Variants in PRH1 observed in about 807,000 individuals in gnomAD.
The protein encoded by PRH1 is proline rich protein HaeIII subfamily 1, also known as salivary acidic proline-rich phosphoprotein 1/2.
Under a neutral mutation model 7.9 loss-of-function variants are expected in PRH1, and 7 were observed. The ratio of observed to expected loss-of-function variants is 0.89; its 90% CI spans 0.50 to 1.67. PRH1 has a LOEUF of 1.67. PRH1 is among the 40% of genes most tolerant of loss of function. The pLI is 0.00. For missense variants in PRH1, 109 were observed against 223.6 expected (o/e 0.49, Z 3.27); for synonymous variants, 45 against 80.8 (o/e 0.56, Z 2.38).
intron 1 of PRH1, among the ~76,000 whole-genome samples, chr12:11,132,645 A>C (rs796260095): frequency 7.7e-6 from 1 of 130,488 alleles, no homozygotes; most frequent in African/African-American, 2.6e-5. Flanking sequence ...ATTAAATCTA[A>C]TATTCCTCAG....
At chr12:10,889,260 A>G (rs1949537121) in intron 2 of PRH1, among the ~76,000 whole-genome samples, 1 of 152,162 alleles carries the variant, frequency 6.6e-6, no homozygotes. Flanking sequence ...GATTTCCTTT[A>G]CATTAATGAA....
intron 1 of PRH1, among the ~76,000 whole-genome samples, chr12:10,977,405 G>A (rs1000085744): frequency 6.6e-6 from 1 of 152,040 alleles, no homozygotes; most frequent in Non-Finnish European, 1.5e-5. Context: ...AGGAATTGAA[G>A]GTATATACTT....
intron 1 of PRH1, among the ~76,000 whole-genome samples, chr12:10,979,759 G>A (rs1163692995): frequency 6.6e-6 from 1 of 152,178 alleles, no homozygotes; most frequent in Non-Finnish European, 1.5e-5. Context: ...CAGAAGTGAC[G>A]ACAAGGGATT....
chr12:10,935,414 C>G lies in PRH1; in HGVS notation c.-59+38241G>C, dbSNP rs796353408. Reference sequence around the variant, plus strand: ...TTCTCTAATACTTAACTGAAAATATCCAGGAACATTTGAGAACCATTTACA... The same window carrying G: ...TTCTCTAATACTTAACTGAAAATATGCAGGAACATTTGAGAACCATTTACA... On this transcript the variant is annotated intron_variant, in intron 2 of 3. Coordinates refer to the PRH1 transcript ENST00000539853. Among the ~76,000 whole-genome samples, 10 of 152,154 alleles carry G rather than the reference C, an allele frequency of 6.6e-5. 1 individual carries two copies. The highest frequency in any genetic ancestry group is 2.4e-4 in the African/African-American group (10 of 41,500).
chr12:11,044,434 C>A (rs1942834454), intron 1 of PRH1, among the ~76,000 whole-genome samples: 2 of 151,962 alleles, frequency 1.3e-5, no homozygotes, highest in South Asian at 2.1e-4. Context: ...CAAAAATGCA[C>A]AATTGGGATG....
At chr12:11,074,610 T>TA (rs1944222339) in intron 1 of PRH1, among the ~76,000 whole-genome samples, 1 of 90,532 alleles carries the variant, frequency 1.1e-5, no homozygotes, top group East Asian at 2.7e-4. Context: ...AAGTAGAAAG[T>TA]GGGAAACATA....
chr12:11,052,757 G>T (rs1029336474), intron 1 of PRH1, among the ~76,000 whole-genome samples: 4 of 139,520 alleles, frequency 2.9e-5, no homozygotes, highest in African/African-American at 1.0e-4. Context: ...CTAACTGGTT[G>T]ACTCTTTCTA....
At chr12:11,153,128 A>G (rs146915063) in intron 1 of PRH1, among the ~76,000 whole-genome samples, 164 of 152,308 alleles carry the variant, frequency 1.1e-3, no homozygotes, top group South Asian at 2.3e-3. Flanking sequence ...ATAGAAGACA[A>G]GACATTGAGT....
intron 2 of PRH1, among the ~76,000 whole-genome samples, chr12:10,904,754 T>C (rs775846897): frequency 6.6e-6 from 1 of 152,140 alleles, no homozygotes; most frequent in South Asian, 2.1e-4. Flanking sequence ...ACCTATAGAA[T>C]GTAAGATTTG....
chr12:11,014,395 G>C (rs1292926502), intron 1 of PRH1, among the ~76,000 whole-genome samples: 1 of 152,140 alleles, frequency 6.6e-6, no homozygotes, highest in Non-Finnish European at 1.5e-5. Context: ...CATGCAACAT[G>C]ATGACTAACC....
intron 2 of PRH1, among the ~76,000 whole-genome samples, chr12:10,934,505 C>T (rs911546106): frequency 1.3e-5 from 2 of 152,092 alleles, no homozygotes; most frequent in African/African-American, 4.8e-5. Context: ...AGGCATTTAG[C>T]ATGGCTGCAA....
chr12:10,997,952 G>A (rs4388985), intron 1 of PRH1: 749,878 of 910,646 alleles, frequency 0.82, 313,615 homozygotes, highest in East Asian at 0.97. Context: ...AAGACTTTAA[G>A]TTAAATATGC....
intron 1 of PRH1, among the ~76,000 whole-genome samples, chr12:11,135,323 T>C (rs1946516371): frequency 6.6e-6 from 1 of 152,144 alleles, no homozygotes; most frequent in African/African-American, 2.4e-5. Flanking sequence ...GCTTCCATAC[T>C]GGGTGTTCTT....
In PRH1 at chr12:11,166,395, AAC is replaced by A. The variant is rs531528460; in HGVS notation, n.39+5025_39+5026del. On this transcript the variant is annotated intron_variant and non_coding_transcript_variant, in intron 1 of 1. Transcript: ENST00000541175. ...GAGTTTCCTGGACTTCCCCTGTGAC[AAC>A]AGACTTCTAATATGTATTAATACAG... The A allele has an allele frequency of 1.8e-3, 281 of 152,338 alleles. 3 individuals carry two copies. Among genetic ancestry groups the A allele is most frequent in the Admixed American group, 7.7e-3 (118 of 15,302 alleles). The allele number at this position is 152,338 out of a possible 1,614,324, so 9.4% of individuals were successfully genotyped here.
rs34664451 is a variant in PRH1, at chr12:11,068,028, C to CTT, written n.124-20842_124-20841dup. ...GTATTTTATGTTTCTGCTTTTTTAA[C>CTT]TTTTTTTTTTTATTGGGGAGCATAA... On this transcript the variant is annotated intron_variant and non_coding_transcript_variant, in intron 1 of 4. Coordinates refer to the PRH1 transcript ENST00000541977. 3.8e-3 allele frequency among the ~76,000 whole-genome samples: 569 copies of CTT among 149,608 alleles called. 5 individuals are homozygous for CTT. The highest frequency in any genetic ancestry group is 5.9e-3 in the Non-Finnish European group (400 of 67,382).
rs1298475258 is a variant in PRH1, at chr12:10,950,637, G to C, written c.-59+23018C>G. Among the ~76,000 whole-genome samples the C allele has an allele frequency of 4.6e-5, 7 of 151,714 alleles. No homozygotes were observed. The East Asian group carries it at 1.2e-3, about 25-fold the overall frequency. On this transcript the variant is annotated intron_variant, in intron 2 of 3. Transcript: ENST00000539853. Reference sequence around the variant, plus strand: ...AATTCTCTTTTGTTATCAGCAAGTAGAGTCATACCAGAGATATTTTCTTCA... The same window carrying C: ...AATTCTCTTTTGTTATCAGCAAGTACAGTCATACCAGAGATATTTTCTTCA...
At chr12:11,012,813 C>T (rs1468740485) in intron 1 of PRH1, among the ~76,000 whole-genome samples, 3 of 152,110 alleles carry the variant, frequency 2.0e-5, no homozygotes, top group Admixed American at 2.0e-4. Context: ...CCACCTTGGT[C>T]TCCCAAAATG....
At chr12:10,905,734 TA>T (rs1057353098) in intron 2 of PRH1, among the ~76,000 whole-genome samples, 2 of 150,338 alleles carry the variant, frequency 1.3e-5, no homozygotes, top group Non-Finnish European at 3.0e-5. Flanking sequence ...ATGTAGCCAT[TA>T]AAAAAAAATG....
chr12:10,985,873 C>T (rs1390816874), intron 1 of PRH1: 5 of 1,326,962 alleles, frequency 3.8e-6, no homozygotes, highest in Non-Finnish European at 5.2e-6. Context: ...ATAAAATGTT[C>T]CAGACACTAT....
Sources: gnomAD v4.1 joint callset for allele counts (sites outside exome capture counted in the v4.1 genomes callset) on GRCh38, gnomAD v4.1.1 for gene constraint, MANE v1.5 for transcripts, NCBI Gene and HGNC (gene_info 2026-07-23, HGNC 2026-07-21) for gene names.